The following ZNF3 variants were observed in gnomAD, a reference collection of about 807,000 sequenced individuals.
The protein encoded by ZNF3 is C2-H2 type zinc finger protein.
ZNF3 carries 16 observed loss-of-function variants against 36.9 expected under a neutral mutation model. The observed-to-expected ratio is 0.43, with a 90% CI of 0.29 to 0.66. The LOEUF is 0.66. Among genes scored for constraint, ZNF3 ranks in the 30% least tolerant of loss-of-function variants. The probability of loss-of-function intolerance (pLI) is 0.13; values close to 1 mark genes in which losing one functional copy is unlikely to be tolerated. For synonymous variants in ZNF3, 201 were observed against 201.9 expected (o/e 1.00, Z 0.04); for missense variants, 462 against 543.1 (o/e 0.85, Z 1.48).
At chr7:100,065,339 G>A (rs1405470045), downstream of ZNF3, among the ~76,000 whole-genome samples, 1 of 151,792 alleles carries the variant, frequency 6.6e-6, no homozygotes, top group Non-Finnish European at 1.5e-5. Context: ...TGGGAGAATC[G>A]CTTGAACCCG....
In ZNF3 at chr7:100,070,771, C is replaced by T. The variant is rs2116254145; in HGVS notation, c.*372G>A. 2 of 1,026,196 alleles carry T rather than the reference C, an allele frequency of 1.9e-6. No homozygotes were observed. Among genetic ancestry groups the T allele is most frequent in the South Asian group, 4.1e-5 (1 of 24,452 alleles). 63.6% of individuals were successfully genotyped at this position (1,026,196 alleles called of 1,614,324 possible). A position where few individuals can be genotyped will look rare whatever the true frequency, so the allele number is the denominator to read the frequency against. On this transcript the variant is annotated 3_prime_UTR_variant, in exon 6 of 6. Coordinates refer to ENST00000299667, the MANE Select transcript of ZNF3 (RefSeq NM_032924.5). ...ATAACAGGACCCAGAGCGTCCTTTC[C>T]ACTGCTGTCTGTGCTGACTACGCGG... is the stretch of plus-strand genomic sequence containing the variant.
At chr7:100,067,037 C>CAAAAAAAAAAAAAAAAAAAAAAAAAAA (rs922826523), downstream of ZNF3, among the ~76,000 whole-genome samples, 29 of 150,154 alleles carry the variant, frequency 1.9e-4, 1 homozygote, top group African/African-American at 7.2e-4. Context: ...GATTCCATCT[C>CAAAAAAAAAAAAAAAAAAAAAAAAAAA]AAAAAAAAAT....
At chr7:100,076,242 T>TA (rs2116393256) in intron 3 of ZNF3, among the ~76,000 whole-genome samples, 1 of 152,136 alleles carries the variant, frequency 6.6e-6, no homozygotes, top group South Asian at 2.1e-4. Flanking sequence ...ATCTGTACAC[T>TA]AAAAATGTTC....
At chr7:100,077,192 C>G in intron 3 of ZNF3, 111 bp downstream of exon 3, 1 of 1,357,850 alleles carries the variant, frequency 7.4e-7, no homozygotes, top group Non-Finnish European at 1.0e-6. Flanking sequence ...AAGAGTGTGT[C>G]TTATTCACAT....
exon 6 of ZNF3, chr7:100,064,074 C>A: frequency 6.2e-7 from 1 of 1,614,132 alleles, no homozygotes; most frequent in Non-Finnish European, 8.5e-7. Flanking sequence ...CAAATCTCAC[C>A]AAACACAGGA....
Position 100,077,373 on chromosome 7 carries a change from T to G in ZNF3, c.-16A>C. The G allele has an allele frequency of 6.2e-7, 1 of 1,613,192 alleles. No homozygotes were observed. The highest frequency in any genetic ancestry group is 8.5e-7 in the Non-Finnish European group (1 of 1,179,924). ...GAGTTTCCATGGAAGGGCAAGGTGC[T>G]CTCTGGTCTCCTGGGTGCAGACTCA... On this transcript the variant is annotated 5_prime_UTR_variant, in exon 3 of 6. Coordinates refer to ENST00000299667, the MANE Select transcript of ZNF3 (RefSeq NM_032924.5).
Position 100,072,130 on chromosome 7 carries a change from C to T in ZNF3, c.354G>A (p.Lys118=), listed in dbSNP as rs1379486662. The part of the protein sequence containing the change: ...SHGVLLGRFQ[K]DISQGLKFKE... ...TAAACTTGAGACCCTGAGAAATATC[C>T]TTTTGAAATCTTCCCAGTAGGACCC... The change falls in exon 6 of 6, where the codon AAG becomes AAA. Residue 118 remains lysine (K), a synonymous_variant. Coordinates refer to ENST00000299667, the MANE Select transcript of ZNF3 (RefSeq NM_032924.5). The T allele has an allele frequency of 5.6e-6, 9 of 1,613,824 alleles. No homozygotes were observed. The highest frequency in any genetic ancestry group is 7.6e-6 in the Non-Finnish European group (9 of 1,179,946).
At chr7:100,078,558 T>C (rs1794500541) in intron 2 of ZNF3, 1 of 150,864 alleles carries the variant, frequency 6.6e-6, no homozygotes, top group African/African-American at 2.4e-5. Flanking sequence ...TGGTGTTACA[T>C]GCGCCTGTAA....
At chr7:100,078,310 G>C (rs1184987512) in intron 2 of ZNF3, among the ~76,000 whole-genome samples, 3 of 150,812 alleles carry the variant, frequency 2.0e-5, no homozygotes, top group South Asian at 2.1e-4. Flanking sequence ...GCCTGGCCAG[G>C]ATGATGAAAC....
At chr7:100,073,458 C>T (rs1256664908) in intron 5 of ZNF3, among the ~76,000 whole-genome samples, 2 of 152,142 alleles carry the variant, frequency 1.3e-5, no homozygotes, top group Non-Finnish European at 2.9e-5. Context: ...AAGCAATTCT[C>T]CTGCCTCAGC....
In ZNF3 at chr7:100,071,003, A is replaced by T. The variant is rs188874086; in HGVS notation, c.*140T>A. The T allele has an allele frequency of 1.5e-5, 22 of 1,462,456 alleles. No homozygotes were observed. The highest frequency in any genetic ancestry group is 2.0e-5 in the Non-Finnish European group (22 of 1,112,036). The allele number at this position is 1,462,456 out of a possible 1,614,324, so 90.6% of individuals were successfully genotyped here. On this transcript the variant is annotated 3_prime_UTR_variant, in exon 6 of 6. Transcript: ENST00000299667. The stretch of plus-strand genomic sequence containing the variant: ...CTGGTGTGATTTCTGGGAAAATTCA[A>T]CGATTTGCCCCATCTGCCCCATTCT...
downstream of ZNF3, among the ~76,000 whole-genome samples, chr7:100,068,805 G>A (rs1042901950): frequency 6.6e-6 from 1 of 151,742 alleles, no homozygotes; most frequent in Non-Finnish European, 1.5e-5. Flanking sequence ...CCACAAGTGT[G>A]CACCACCACA....
At chr7:100,079,357 C>T (rs1794630800) in intron 2 of ZNF3, among the ~76,000 whole-genome samples, 179 bp downstream of exon 2, 1 of 152,190 alleles carries the variant, frequency 6.6e-6, no homozygotes, top group South Asian at 2.1e-4. Flanking sequence ...AACAAGCACC[C>T]AGTGTCCAGA....
downstream of ZNF3, among the ~76,000 whole-genome samples, chr7:100,065,696 G>T (rs1393639324): frequency 6.6e-6 from 1 of 151,706 alleles, no homozygotes; most frequent in African/African-American, 2.4e-5. Context: ...GTGTGCAGGA[G>T]TTTCCACTTG....
chr7:100,064,949 T>C, intron 5 of ZNF3: 1 of 1,607,572 alleles, frequency 6.2e-7, no homozygotes, highest in Admixed American at 1.7e-5. Context: ...GTTTAATTTT[T>C]AACATATATT....
chr7:100,064,592 A>G lies in ZNF3; in HGVS notation c.*196T>C, dbSNP rs200624313. 5 of 1,614,150 alleles carry G rather than the reference A, an allele frequency of 3.1e-6. No homozygotes were observed. The East Asian group carries it at 1.1e-4, about 36-fold the overall frequency. On this transcript the variant is annotated 3_prime_UTR_variant, in exon 6 of 6. Coordinates refer to the ZNF3 transcript ENST00000413658. ...AATCTTTCCAAACATCAGCGAGTCC[A>G]CACTGGAGAGGGAGAAGCACCGTAA...
chr7:100,071,419 G>A lies in ZNF3; in HGVS notation c.1065C>T (p.Leu355=). The A allele has an allele frequency of 6.2e-7, 1 of 1,613,940 alleles. No homozygotes were observed. Residue 355 remains leucine, a synonymous_variant, in exon 6 of 6, where the codon CTC becomes CTT. Transcript: ENST00000299667. ...CAGTGTGGATTCTCTGGTGCTGATA[G>A]AGGTGTGAGCTCTGGCTGAAGGCTT... ...CGKAFSQSSH[L]YQHQRIHTGE... is the part of the protein sequence containing the mutation.
chr7:100,071,127 T>C lies in ZNF3; in HGVS notation c.*16A>G, dbSNP rs1793062739. The C allele has an allele frequency of 6.4e-7, 1 of 1,555,350 alleles. No individual in the cohort carries two copies. Among genetic ancestry groups the C allele is most frequent in the Non-Finnish European group, 8.7e-7 (1 of 1,151,934 alleles). On this transcript the variant is annotated 3_prime_UTR_variant, in exon 6 of 6. Coordinates refer to ENST00000299667, the MANE Select transcript of ZNF3 (RefSeq NM_032924.5). Reference sequence around the variant, plus strand: ...TGAGACTCAGGGAAAGTGAGGAAAATGGGTGTGTGGCTCTTTCACGTGGAC... The same window carrying C: ...TGAGACTCAGGGAAAGTGAGGAAAACGGGTGTGTGGCTCTTTCACGTGGAC...
intron 1 of ZNF3, 134 bp from the exon 2 acceptor site, chr7:100,079,790 T>G (rs1019879953): frequency 6.6e-6 from 1 of 152,078 alleles, no homozygotes; most frequent in Admixed American, 6.6e-5. Flanking sequence ...CTCAAACTCC[T>G]AAGTTCAAGT....
Sources: gnomAD v4.1 joint callset for allele counts (sites outside exome capture counted in the v4.1 genomes callset) on GRCh38, gnomAD v4.1.1 for gene constraint, MANE v1.5 for transcripts, NCBI Gene and HGNC (gene_info 2026-07-23, HGNC 2026-07-21) for gene names.